The following ENDOU variants were observed in gnomAD, a reference collection of about 807,000 sequenced individuals.
The protein encoded by ENDOU is endonuclease, poly(U) specific.
Under a neutral mutation model 54.2 loss-of-function variants are expected in ENDOU, and 49 were observed. That is an observed-to-expected ratio of 0.90 (90% CI 0.72 to 1.15). The LOEUF (loss-of-function observed/expected upper bound fraction) is 1.15, where lower values mean the gene tolerates loss of function less well. Ranked by LOEUF, ENDOU falls within the 50% of genes most tolerant of loss-of-function variation. The pLI, the probability that ENDOU is intolerant of heterozygous loss-of-function variation, is 0.00. For synonymous variants in ENDOU, 172 were observed against 190.5 expected (o/e 0.90, Z 0.80); for missense variants, 458 against 511.4 (o/e 0.90, Z 1.01).
chr12:47,711,746 C>T lies in ENDOU; in HGVS notation c.1002G>A (p.Met334Ile). 6.2e-7 allele frequency: 1 copy of T among 1,614,202 alleles called. No individual in the cohort carries two copies. Among genetic ancestry groups the T allele is most frequent in the Non-Finnish European group, 8.5e-7 (1 of 1,180,038 alleles). The change falls in exon 9 of 10, where the codon ATG becomes ATA. Residue 334 changes from methionine to isoleucine, a missense_variant. By Grantham distance (10) the Met-to-Ile change is conservative. Transcript: ENST00000422538. ...PWDSYPDVLA[M>I]QFNWDGYYKE... ...TATAGTAGCCGTCCCAGTTGAACTGCATTGCCAGCACATCGGGGTAAGAAT... is the reference window on the plus strand; with the variant it reads ...TATAGTAGCCGTCCCAGTTGAACTGTATTGCCAGCACATCGGGGTAAGAAT...
Position 47,718,165 on chromosome 12 carries a change from G to A in ENDOU, c.208C>T (p.Gln70Ter). 6.3e-7 allele frequency: 1 copy of A among 1,583,578 alleles called. No individual in the cohort carries two copies. The highest frequency in any genetic ancestry group is 8.6e-7 in the Non-Finnish European group (1 of 1,163,096). ...GCCTCTTCTGTCTCTTCCTCCAGCT[G>A]TGGCAATGGCTCTGACTCTTTGTGG... The part of the protein sequence containing the change: ...EDHKESEPLP[Q>*]LEEETEEALA... Residue 70 changes from glutamine to a stop codon, truncating the protein, a stop_gained, in exon 3 of 10, where the codon CAG becomes TAG. Coordinates refer to ENST00000422538, the MANE Select transcript of ENDOU (RefSeq NM_001172439.2). LOFTEE classifies it high-confidence loss of function.
At chr12:47,723,668 G>T (rs1175260482) in intron 1 of ENDOU, among the ~76,000 whole-genome samples, 2 of 152,094 alleles carry the variant, frequency 1.3e-5, no homozygotes, top group Non-Finnish European at 2.9e-5. Context: ...AAGGAAGCTT[G>T]GTCCCAAGCC....
At chr12:47,713,084 G>C (rs527563389) in intron 7 of ENDOU, among the ~76,000 whole-genome samples, 191 bp downstream of exon 7, 44 of 152,198 alleles carry the variant, frequency 2.9e-4, no homozygotes, top group Non-Finnish European at 4.9e-4. Flanking sequence ...CTCCAGAAAA[G>C]ACTGTTTCTC....
At chr12:47,718,576 G>A (rs149498263) in intron 2 of ENDOU, among the ~76,000 whole-genome samples, 18 of 152,280 alleles carry the variant, frequency 1.2e-4, no homozygotes, top group South Asian at 2.1e-4. Flanking sequence ...AAAACTTCTC[G>A]TCAGAGCTCA....
intron 9 of ENDOU, 29 bp from the exon 10 acceptor site, chr12:47,710,948 A>ACTC (rs1565729676): frequency 6.6e-7 from 1 of 1,512,610 alleles, no homozygotes; most frequent in Non-Finnish European, 9.2e-7. Flanking sequence ...AAATCAGAGG[A>ACTC]GCTCCCCACT....
chr12:47,712,549 C>T lies in ENDOU; in HGVS notation c.939G>A (p.Leu313=), dbSNP rs147689190. 815 of 1,614,156 alleles carry T rather than the reference C, an allele frequency of 5.0e-4. No individual in the cohort carries two copies. Among genetic ancestry groups the T allele is most frequent in the Non-Finnish European group, 4.9e-4 (584 of 1,180,006 alleles). The change falls in exon 8 of 10, where the codon CTG becomes CTA. Residue 313 remains leucine, a synonymous_variant. Transcript: ENST00000422538. ...CGTAGATGTGACTGTAATAGTCAAC[C>T]AGACCCTCCTTCTCCTCCAGGTAGA... is the stretch of plus-strand genomic sequence containing the variant. ...IRFYLEEKEG[L]VDYYSHIYDG...
chr12:47,713,740 CGG>C (rs58687571), intron 6 of ENDOU, among the ~76,000 whole-genome samples: 42,601 of 107,744 alleles, frequency 0.4, 7,320 homozygotes, highest in Middle Eastern at 0.48. Context: ...CATAAGTTGG[CGG>C]GGGGGGGGGG....
In ENDOU at chr12:47,720,972, A is replaced by G. The variant is rs115918524; in HGVS notation, c.56-97T>C. On this transcript the variant is annotated intron_variant, in intron 1 of 9. Transcript: ENST00000422538. Reference sequence around the variant, plus strand: ...GGTTCACAGACCAGGGCAGGAGTGTACCTGGCAGGGAAGGGCATTACTCTC... The same window carrying G: ...GGTTCACAGACCAGGGCAGGAGTGTGCCTGGCAGGGAAGGGCATTACTCTC... The G allele has an allele frequency of 6.1e-4, 741 of 1,214,008 alleles. 7 individuals are homozygous for G. In the African/African-American group the frequency reaches 0.01, roughly 17 times the overall value. 75.2% of individuals were successfully genotyped at this position (1,214,008 alleles called of 1,614,324 possible).
Position 47,711,718 on chromosome 12 carries a change from C to G in ENDOU, c.1030G>C (p.Glu344Gln). The G allele has an allele frequency of 6.2e-7, 1 of 1,614,204 alleles. No individual in the cohort carries two copies. The highest frequency in any genetic ancestry group is 8.5e-7 in the Non-Finnish European group (1 of 1,180,040). ...MQFNWDGYYK[E>Q]VGSAFIGSSP... ...CTGCCGATGAAAGCAGAGCCCACTTCCTTATAGTAGCCGTCCCAGTTGAAC... is the reference window on the plus strand; with the variant it reads ...CTGCCGATGAAAGCAGAGCCCACTTGCTTATAGTAGCCGTCCCAGTTGAAC... Residue 344 changes from glutamate to glutamine, a missense_variant, in exon 9 of 10, where the codon GAA (glutamate) becomes CAA (glutamine). Transcript: ENST00000422538.
chr12:47,711,008 A>T, intron 9 of ENDOU, 89 bp from the exon 10 acceptor site: 1 of 804,882 alleles, frequency 1.2e-6, no homozygotes. Flanking sequence ...CTGAAGCAGA[A>T]GGGCTCCATT....
chr12:47,718,910 T>C (rs1254211751), intron 2 of ENDOU, among the ~76,000 whole-genome samples: 2 of 152,086 alleles, frequency 1.3e-5, no homozygotes, highest in East Asian at 3.9e-4. Context: ...CAAACAGTAC[T>C]GTTACAAAGT....
At chr12:47,711,912 T>C (rs1283783807) in intron 8 of ENDOU, 137 bp from the exon 9 acceptor site, 6 of 968,168 alleles carry the variant, frequency 6.2e-6, no homozygotes, top group African/African-American at 1.6e-5. Context: ...GGAGACTGGA[T>C]TCTTTAAATA....
chr12:47,721,013 C>T (rs1940417559), intron 1 of ENDOU, 138 bp from the exon 2 acceptor site: 5 of 753,202 alleles, frequency 6.6e-6, no homozygotes, highest in Non-Finnish European at 6.4e-6. Context: ...AGGAGAAGTA[C>T]ATCCACAGCC....
chr12:47,718,294 GGCACT>G, intron 2 of ENDOU, 100 bp from the exon 3 acceptor site: 1 of 1,021,336 alleles, frequency 9.8e-7, no homozygotes, highest in East Asian at 2.6e-5. Flanking sequence ...GACAAGCAAG[GGCACT>G]GGAAGCAAAT....
chr12:47,713,565 A>T (rs900821757), intron 6 of ENDOU, among the ~76,000 whole-genome samples, 177 bp from the exon 7 acceptor site: 5 of 152,214 alleles, frequency 3.3e-5, no homozygotes, highest in Admixed American at 2.0e-4. Context: ...TTTGTGCCAA[A>T]TCCAGATCTA....
intron 6 of ENDOU, 46 bp downstream of exon 6, chr12:47,716,254 G>T (rs753150112): frequency 1.9e-6 from 3 of 1,597,326 alleles, no homozygotes; most frequent in Non-Finnish European, 2.6e-6. Context: ...ACCTGGCTTC[G>T]CTCAGACAGA....
chr12:47,710,860 G>A lies in ENDOU; in HGVS notation c.1175C>T (p.Ser392Phe), dbSNP rs1939967341. The A allele has an allele frequency of 6.2e-7, 1 of 1,614,148 alleles. No individual in the cohort carries two copies. The highest frequency in any genetic ancestry group is 8.5e-7 in the Non-Finnish European group (1 of 1,180,016). ...LAVRTYTWDK[S>F]TYGNGKKYIA... ...GTACTTCTTGCCATTCCCATAGGTG[G>A]ACTTGTCCCAGGTATATGTCCGGAC... The change falls in exon 10 of 10, where the codon TCC (serine) becomes TTC (phenylalanine). Residue 392 changes from serine (S) to phenylalanine (F), a missense_variant. Ser to Phe is a radical substitution (Grantham distance 155). Transcript: ENST00000422538.
At chr12:47,717,818 G>A in intron 3 of ENDOU, 163 bp from the exon 4 acceptor site, 1 of 704,416 alleles carries the variant, frequency 1.4e-6, no homozygotes, top group Non-Finnish European at 2.4e-6. Context: ...TCACAGTCAG[G>A]AAGTCCTTTC....
At chr12:47,715,818 G>A (rs1282039204) in intron 6 of ENDOU, among the ~76,000 whole-genome samples, 2 of 152,200 alleles carry the variant, frequency 1.3e-5, no homozygotes, top group Non-Finnish European at 2.9e-5. Flanking sequence ...AACCTTTGTT[G>A]ATTCTCTGAT....
Sources: allele counts gnomAD v4.1 joint callset (sites outside exome capture counted in the v4.1 genomes callset), GRCh38; gene constraint gnomAD v4.1.1; transcripts MANE v1.5; gene names NCBI Gene and HGNC (gene_info 2026-07-23, HGNC 2026-07-21).